The following MDGA2 variants were observed in gnomAD, a reference collection of about 807,000 sequenced individuals.
The protein encoded by MDGA2 is MAM domain containing glycosylphosphatidylinositol anchor 2, also known as MAM domain-containing glycosylphosphatidylinositol anchor protein 2.
A neutral mutation model predicts 117.8 loss-of-function variants in MDGA2; 40 were observed. The observed-to-expected ratio is 0.34, with a 90% CI of 0.26 to 0.44. MDGA2 has a LOEUF of 0.44. Ranked by LOEUF, MDGA2 falls within the 20% of genes least tolerant of loss-of-function variation. The pLI is 1.00. For missense variants in MDGA2, 1,123 were observed against 1,250.6 expected, an observed-to-expected ratio of 0.90 and a Z score of 1.54; for synonymous variants, 452 against 439.0, an observed-to-expected ratio of 1.03 and a Z score of -0.37.
intron 2 of MDGA2, among the ~76,000 whole-genome samples, chr14:47,265,623 G>T: frequency 6.9e-6 from 1 of 145,516 alleles, no homozygotes. Context: ...GTTTAACTTC[G>T]TTTTGGGAAT....
rs565942077 is a variant in MDGA2, at chr14:47,643,481, A to G, written c.280+31036T>C. On this transcript the variant is annotated intron_variant, in intron 1 of 16. Coordinates refer to ENST00000399232, the MANE Select transcript of MDGA2 (RefSeq NM_001113498.3). Reference sequence around the variant, plus strand: ...AATAGCATATGGCAATTTCTTCCCAATGATTCCTAGATACCCATCCCCTAG... The same window carrying G: ...AATAGCATATGGCAATTTCTTCCCAGTGATTCCTAGATACCCATCCCCTAG... Among the ~76,000 whole-genome samples, 7 of 152,148 alleles carry G rather than the reference A, an allele frequency of 4.6e-5. 1 individual carries two copies. The highest frequency in any genetic ancestry group is 9.6e-5 in the African/African-American group (4 of 41,550).
At chr14:47,370,377 C>T (rs924188218) in intron 1 of MDGA2, among the ~76,000 whole-genome samples, 9 of 144,440 alleles carry the variant, frequency 6.2e-5, no homozygotes, top group African/African-American at 1.8e-4. Context: ...AGAGATTTAA[C>T]ATAGGTTACA....
intron 8 of MDGA2, among the ~76,000 whole-genome samples, chr14:47,019,793 G>C (rs968197153): frequency 4.7e-5 from 7 of 148,310 alleles, no homozygotes; most frequent in Admixed American, 2.0e-4. Context: ...GCAGTGAGCC[G>C]AGATTGCACC....
chr14:47,355,019 G>A (rs757220670), intron 1 of MDGA2, among the ~76,000 whole-genome samples: 6 of 152,030 alleles, frequency 3.9e-5, no homozygotes, highest in Non-Finnish European at 8.8e-5. Context: ...GTACATTCTG[G>A]GTATGTTTTC....
intron 1 of MDGA2, among the ~76,000 whole-genome samples, chr14:47,596,586 C>T (rs1327425655): frequency 6.6e-6 from 1 of 152,104 alleles, no homozygotes; most frequent in Non-Finnish European, 1.5e-5. Flanking sequence ...CCTTGGCTGT[C>T]CTGAAGGGCT....
intron 6 of MDGA2, among the ~76,000 whole-genome samples, chr14:47,082,314 G>T (rs1890736149): frequency 8.3e-6 from 1 of 119,842 alleles, no homozygotes. Context: ...GAACTTGAGA[G>T]ATCAAATTCC....
chr14:47,457,308 G>T (rs968741693), intron 1 of MDGA2, among the ~76,000 whole-genome samples: 1 of 152,108 alleles, frequency 6.6e-6, no homozygotes. Context: ...ATGCAGATTT[G>T]TTAGACAGGT....
chr14:47,591,303 G>T lies in MDGA2; in HGVS notation c.280+83214C>A, dbSNP rs551719548. On this transcript the variant is annotated intron_variant, in intron 1 of 16. Coordinates refer to ENST00000399232, the MANE Select transcript of MDGA2 (RefSeq NM_001113498.3). ...ATTCAAACAAGCTGAAAAGCTCACT[G>T]CCATGCAAAGGCAGCAGTTTAGTTA... 2.0e-4 allele frequency among the ~76,000 whole-genome samples: 31 copies of T among 152,192 alleles called. No homozygotes were observed. In the East Asian group the frequency reaches 5.6e-3, roughly 27 times the overall value.
intron 3 of MDGA2, among the ~76,000 whole-genome samples, chr14:47,174,784 G>T (rs1046908858): frequency 2.6e-5 from 4 of 151,958 alleles, no homozygotes; most frequent in African/African-American, 7.3e-5. Flanking sequence ...CAGAAGGCAA[G>T]AAATAACTAA....
intron 1 of MDGA2, among the ~76,000 whole-genome samples, chr14:47,597,037 A>G (rs922595596): frequency 1.3e-5 from 2 of 152,154 alleles, no homozygotes; most frequent in Admixed American, 6.5e-5. Context: ...CTACACTGAG[A>G]CCATACATTC....
At chr14:47,582,800 T>C (rs556329528) in intron 1 of MDGA2, among the ~76,000 whole-genome samples, 87 of 152,008 alleles carry the variant, frequency 5.7e-4, no homozygotes, top group African/African-American at 2.0e-3. Flanking sequence ...AATTGTACTT[T>C]ATTCATCAGT....
intron 2 of MDGA2, 110 bp downstream of exon 2, chr14:47,301,296 CACACA>C: frequency 4.0e-4 from 1 of 2,488 alleles, no homozygotes; most frequent in African/African-American, 1.1e-3. Context: ...CACACCCACC[CACACA>C]CACACACACA....
At chr14:47,626,480 C>T (rs1191115477) in intron 1 of MDGA2, 2 of 153,072 alleles carry the variant, frequency 1.3e-5, no homozygotes, top group Non-Finnish European at 2.9e-5. Context: ...TTCAGCCCGC[C>T]GCTGCACTGT....
At chr14:47,638,664 GCATCATCTCCTACCCTAGTCCAAACCA>G in intron 1 of MDGA2, among the ~76,000 whole-genome samples, 1 of 152,168 alleles carries the variant, frequency 6.6e-6, no homozygotes, top group Non-Finnish European at 1.5e-5. Context: ...ATGAATCTTT[GCATCATCTCCTACCCTAGTCCAAACCA>G]CATCATCCTT....
chr14:47,039,500 T>C (rs887501581), intron 7 of MDGA2, among the ~76,000 whole-genome samples: 1 of 152,200 alleles, frequency 6.6e-6, no homozygotes, highest in African/African-American at 2.4e-5. Flanking sequence ...GCATCCTAAG[T>C]GGTCTCTCTG....
intron 2 of MDGA2, among the ~76,000 whole-genome samples, chr14:47,250,849 C>CT (rs1887421680): frequency 6.6e-6 from 1 of 152,120 alleles, no homozygotes; most frequent in Non-Finnish European, 1.5e-5. Flanking sequence ...TTCCTTGGCC[C>CT]TTTGTCCATT....
At position 47,531,152 on chromosome 14, in the gene MDGA2, G is replaced by T. The variant is rs543412798; in HGVS notation, c.280+143365C>A. 4.6e-5 allele frequency among the ~76,000 whole-genome samples: 7 copies of T among 152,282 alleles called. No individual in the cohort carries two copies. In the East Asian group the frequency reaches 1.4e-3, roughly 29 times the overall value. On this transcript the variant is annotated intron_variant, in intron 1 of 16. Coordinates refer to ENST00000399232, the MANE Select transcript of MDGA2 (RefSeq NM_001113498.3). ...CCCAGCTACTCGGGAGGCTGAGGCA[G>T]GAGAATGGCGTGAACCCAGGAGGCA...
At chr14:47,347,525 C>T (rs936471448) in intron 1 of MDGA2, among the ~76,000 whole-genome samples, 1 of 152,102 alleles carries the variant, frequency 6.6e-6, no homozygotes, top group Non-Finnish European at 1.5e-5. Context: ...GTATCTGTCT[C>T]GAACTTCCAG....
chr14:46,889,852 A>G (rs2138414242), intron 10 of MDGA2, among the ~76,000 whole-genome samples: 1 of 152,122 alleles, frequency 6.6e-6, no homozygotes, highest in Middle Eastern at 3.4e-3. Flanking sequence ...AAGTCTTGCA[A>G]TCTTCCTCAA....
Sources: allele counts gnomAD v4.1 joint callset (sites outside exome capture counted in the v4.1 genomes callset), GRCh38; gene constraint gnomAD v4.1.1; transcripts MANE v1.5; gene names NCBI Gene and HGNC (gene_info 2026-07-23, HGNC 2026-07-21).